ANKS1B: variants seen among roughly 807,000 people sequenced by gnomAD.
The protein encoded by ANKS1B is ankyrin repeat and sterile alpha motif domain-containing protein 1B.
In ANKS1B, 36 loss-of-function variants were observed where a neutral mutation model predicts 148.3. That is an observed-to-expected ratio of 0.24 (90% CI 0.19 to 0.32). ANKS1B has a LOEUF of 0.32. Among genes scored for constraint, ANKS1B ranks in the 10% least tolerant of loss-of-function variants. The pLI is 1.00. For missense variants in ANKS1B, 1,157 were observed against 1,542.6 expected, an observed-to-expected ratio of 0.75 and a Z score of 4.19; for synonymous variants, 542 against 560.8, an observed-to-expected ratio of 0.97 and a Z score of 0.47.
intron 9 of ANKS1B, among the ~76,000 whole-genome samples, chr12:99,571,209 T>G (rs1362112245): frequency 6.6e-6 from 1 of 152,086 alleles, no homozygotes; most frequent in Non-Finnish European, 1.5e-5. Flanking sequence ...CCATAACATG[T>G]GTATAAAATC....
At chr12:99,714,139 C>T (rs900224959) in intron 8 of ANKS1B, among the ~76,000 whole-genome samples, 13 of 152,164 alleles carry the variant, frequency 8.5e-5, no homozygotes, top group African/African-American at 2.2e-4. Context: ...AAAGGCCGCC[C>T]GCATTCCATG....
At chr12:98,980,044 T>G (rs1017465658) in intron 17 of ANKS1B, among the ~76,000 whole-genome samples, 6 of 152,206 alleles carry the variant, frequency 3.9e-5, no homozygotes, top group African/African-American at 1.4e-4. Flanking sequence ...ATGGTCACAT[T>G]TTCATGTCAG....
chr12:99,594,714 G>T (rs936203873), intron 9 of ANKS1B, among the ~76,000 whole-genome samples: 1 of 151,948 alleles, frequency 6.6e-6, no homozygotes. Flanking sequence ...TACGGGCTGG[G>T]GAGAGGAAGA....
intron 14 of ANKS1B, among the ~76,000 whole-genome samples, chr12:99,191,573 T>C (rs1784077819): frequency 6.6e-6 from 1 of 152,006 alleles, no homozygotes; most frequent in African/African-American, 2.4e-5. Context: ...AAACCATCAT[T>C]CTCAGCAAAC....
Position 99,088,849 on chromosome 12 carries a change from T to TTTG in ANKS1B, c.2527-3827_2527-3826insCAA, listed in dbSNP as rs2052964915. 2.2e-5 allele frequency among the ~76,000 whole-genome samples: 3 copies of TTTG among 138,476 alleles called. No individual in the cohort carries two copies. In the South Asian group the frequency reaches 7.1e-4, roughly 33 times the overall value. The allele number at this position is 138,476 out of a possible 152,430, so 90.8% of individuals were successfully genotyped here. A position where few individuals can be genotyped will look rare whatever the true frequency, so the allele number is the denominator to read the frequency against. On this transcript the variant is annotated intron_variant, in intron 15 of 26. Coordinates refer to ENST00000683438, the MANE Select transcript of ANKS1B (RefSeq NM_001352186.2). ...TCAGTTTAACTTCTGTTTTTTTTTTTTTTTTTTTTTTTTGAGATGGAGTTT... is the reference window on the plus strand; with the variant it reads ...TCAGTTTAACTTCTGTTTTTTTTTTTTTGTTTTTTTTTTTTTGAGATGGAGTTT...
chr12:99,515,683 G>A (rs920964493), intron 9 of ANKS1B, among the ~76,000 whole-genome samples: 1 of 151,760 alleles, frequency 6.6e-6, no homozygotes, highest in Non-Finnish European at 1.5e-5. Flanking sequence ...GGGGGTGGGG[G>A]GTGTATATAA....
intron 15 of ANKS1B, among the ~76,000 whole-genome samples, chr12:99,107,002 G>A (rs2059363887): frequency 6.6e-6 from 1 of 152,124 alleles, no homozygotes; most frequent in East Asian, 1.9e-4. Context: ...TAGCTGCAAT[G>A]TTTCCCCTCC....
intron 17 of ANKS1B, among the ~76,000 whole-genome samples, chr12:98,984,293 C>T (rs1478981423): frequency 6.6e-6 from 1 of 152,238 alleles, no homozygotes; most frequent in Non-Finnish European, 1.5e-5. Context: ...CAACAAAGAA[C>T]TGTATAGTAT....
At chr12:98,760,463 A>AGGTTTTTGTATGTTTTTTAGAG (rs2098380355) in intron 25 of ANKS1B, among the ~76,000 whole-genome samples, 1 of 152,080 alleles carries the variant, frequency 6.6e-6, no homozygotes, top group Admixed American at 6.6e-5. Context: ...ACAGGGTTTC[A>AGGTTTTTGTATGTTTTTTAGAG]ACATGTTGCC....
intron 1 of ANKS1B, among the ~76,000 whole-genome samples, chr12:99,942,770 T>C (rs1224987322): frequency 6.6e-6 from 1 of 152,042 alleles, no homozygotes; most frequent in Admixed American, 6.6e-5. Flanking sequence ...CCCAAGCTCA[T>C]GGAGCTTGTA....
chr12:99,731,023 A>C (rs7131885), intron 8 of ANKS1B, among the ~76,000 whole-genome samples: 3 of 151,912 alleles, frequency 2.0e-5, no homozygotes, highest in Non-Finnish European at 4.4e-5. Flanking sequence ...TGCAACCTCC[A>C]CCTCCCAGGC....
At chr12:98,748,552 G>A (rs997712054) in intron 26 of ANKS1B, among the ~76,000 whole-genome samples, 22 of 152,174 alleles carry the variant, frequency 1.4e-4, no homozygotes, top group African/African-American at 4.8e-4. Flanking sequence ...CTGGCACCAT[G>A]AGCTTTGCAG....
rs75616041 is a variant in ANKS1B at position 99,379,498 on chromosome 12, A to G, written c.1756+20133T>C. Among the ~76,000 whole-genome samples the G allele has an allele frequency of 3.8e-3, 584 of 152,360 alleles. 36 individuals are homozygous for G. In the East Asian group the frequency reaches 0.09, roughly 23 times the overall value. On this transcript the variant is annotated intron_variant, in intron 12 of 26. Coordinates refer to ENST00000683438, the MANE Select transcript of ANKS1B (RefSeq NM_001352186.2). ...ACATTTAGAAAAGTTCTTAATAATT[A>G]TAGAGATAATTTACCTACAAAAATC...
At chr12:99,767,786 T>C (rs534505401) in intron 8 of ANKS1B, among the ~76,000 whole-genome samples, 2 of 152,228 alleles carry the variant, frequency 1.3e-5, no homozygotes, top group South Asian at 4.1e-4. Context: ...CAAGACAAAA[T>C]GCAATTTTAA....
intron 9 of ANKS1B, among the ~76,000 whole-genome samples, chr12:99,578,615 TA>T (rs1445013243): frequency 1.3e-5 from 2 of 151,866 alleles, no homozygotes; most frequent in Non-Finnish European, 2.9e-5. Flanking sequence ...ACAAAAAGAA[TA>T]AAATGCCTAG....
At chr12:99,400,015 T>C (rs968985307) in intron 11 of ANKS1B, among the ~76,000 whole-genome samples, 2 of 152,162 alleles carry the variant, frequency 1.3e-5, no homozygotes, top group African/African-American at 2.4e-5. Flanking sequence ...GAAAATATTA[T>C]GGCATAGTTG....
intron 8 of ANKS1B, among the ~76,000 whole-genome samples, chr12:99,731,947 A>T (rs2059202307): frequency 6.6e-6 from 1 of 152,206 alleles, no homozygotes. Context: ...ATATATAAAG[A>T]ATTCGTTCAA....
chr12:99,958,025 T>TA (rs1377507215), intron 1 of ANKS1B, among the ~76,000 whole-genome samples: 17 of 152,144 alleles, frequency 1.1e-4, no homozygotes, highest in Non-Finnish European at 4.4e-5. Flanking sequence ...TACTAAGTGC[T>TA]AAAAATAGAT....
At chr12:99,971,894 A>G (rs1028443050) in intron 1 of ANKS1B, among the ~76,000 whole-genome samples, 6 of 152,224 alleles carry the variant, frequency 3.9e-5, no homozygotes, top group African/African-American at 1.4e-4. Context: ...TGCACACTTC[A>G]TAGATACTGT....
Sources: allele counts gnomAD v4.1 joint callset (sites outside exome capture counted in the v4.1 genomes callset), GRCh38; gene constraint gnomAD v4.1.1; transcripts MANE v1.5; gene names NCBI Gene and HGNC (gene_info 2026-07-23, HGNC 2026-07-21).